Variants in UNC13C observed in about 807,000 individuals in gnomAD.
UNC13C encodes the protein unc-13 homolog C, also known as protein unc-13 homolog C.
UNC13C carries 174 observed loss-of-function variants against 245.4 expected under a neutral mutation model. The observed-to-expected ratio is 0.71, with a 90% confidence interval of 0.63 to 0.80. The LOEUF is 0.80. Ranked by LOEUF, UNC13C falls within the 30% of genes least tolerant of loss-of-function variation. UNC13C has a pLI of 0.00. For synonymous variants in UNC13C, 992 were observed against 895.1 expected, an observed-to-expected ratio of 1.11 and a Z score of -1.93; for missense variants, 2,829 against 2,602.9, an observed-to-expected ratio of 1.09 and a Z score of -1.89.
intron 13 of UNC13C, among the ~76,000 whole-genome samples, chr15:54,313,534 A>G (rs2037928875): frequency 1.3e-5 from 2 of 151,802 alleles, no homozygotes. Flanking sequence ...AGATAATTCA[A>G]CTTGTTTTTT....
At chr15:54,431,919 T>A (rs1250776085) in intron 19 of UNC13C, among the ~76,000 whole-genome samples, 1 of 151,580 alleles carries the variant, frequency 6.6e-6, no homozygotes, top group Non-Finnish European at 1.5e-5. Context: ...AAGATAAATA[T>A]TAAGGTGATA....
chr15:53,971,117 C>A, the UNC13C span, among the ~76,000 whole-genome samples: 1 of 152,096 alleles, frequency 6.6e-6, no homozygotes, highest in African/African-American at 2.4e-5. Context: ...TGATGTTGAG[C>A]ATAATTTCAT....
intron 18 of UNC13C, among the ~76,000 whole-genome samples, chr15:54,401,753 C>T (rs1567241148): frequency 6.6e-6 from 1 of 152,036 alleles, no homozygotes. Context: ...ACGCACTCTT[C>T]AGCGCTGCCT....
chr15:54,512,412 C>G, intron 24 of UNC13C: 1 of 455,638 alleles, frequency 2.2e-6, no homozygotes, highest in Non-Finnish European at 4.4e-6. Context: ...CCTTACCTGG[C>G]TGTTCCCTCC....
intron 13 of UNC13C, among the ~76,000 whole-genome samples, chr15:54,308,036 A>G (rs560650388): frequency 1.3e-5 from 2 of 152,042 alleles, no homozygotes; most frequent in South Asian, 4.1e-4. Flanking sequence ...ATTGCTTGCA[A>G]CAATCTAAGA....
At chr15:54,370,761 A>G (rs2039470142) in intron 17 of UNC13C, among the ~76,000 whole-genome samples, 1 of 152,112 alleles carries the variant, frequency 6.6e-6, no homozygotes, top group South Asian at 2.1e-4. Flanking sequence ...CATTCAAATA[A>G]TATCTGAATA....
intron 4 of UNC13C, among the ~76,000 whole-genome samples, chr15:54,164,494 AT>A (rs2033095907): frequency 6.6e-6 from 1 of 152,220 alleles, no homozygotes; most frequent in East Asian, 1.9e-4. Context: ...AAGTAAAAAA[AT>A]CTAAATAAAT....
chr15:53,931,729 A>T, the UNC13C span, among the ~76,000 whole-genome samples: 1 of 152,134 alleles, frequency 6.6e-6, no homozygotes, highest in Non-Finnish European at 1.5e-5. Context: ...CTCTTCTCTT[A>T]AAAAGGGGTG....
intron 4 of UNC13C, among the ~76,000 whole-genome samples, chr15:54,183,770 A>C (rs553174138): frequency 3.9e-5 from 6 of 152,060 alleles, no homozygotes; most frequent in African/African-American, 1.2e-4. Flanking sequence ...AAAAAAAAAA[A>C]AAAACATGGG....
chr15:53,962,408 C>T, the UNC13C span, among the ~76,000 whole-genome samples: 1 of 151,998 alleles, frequency 6.6e-6, no homozygotes, highest in Non-Finnish European at 1.5e-5. Flanking sequence ...GATATTCACT[C>T]TCATTATACG....
At chr15:54,069,057 T>C (rs1339995693) in intron 2 of UNC13C, among the ~76,000 whole-genome samples, 2 of 152,210 alleles carry the variant, frequency 1.3e-5, no homozygotes, top group African/African-American at 4.8e-5. Context: ...TTCATACAAA[T>C]ACAGATGCTT....
At chr15:54,278,843 A>C (rs1596133534) in intron 10 of UNC13C, among the ~76,000 whole-genome samples, 1 of 152,256 alleles carries the variant, frequency 6.6e-6, no homozygotes, top group South Asian at 2.1e-4. Context: ...CTTTCATCAG[A>C]ATGATTTCTA....
At chr15:54,005,844 G>A (rs533169488) in intron 1 of UNC13C, among the ~76,000 whole-genome samples, 8 of 152,080 alleles carry the variant, frequency 5.3e-5, no homozygotes, top group African/African-American at 1.9e-4. Flanking sequence ...AGAGCAGAGG[G>A]TATACAATCA....
At chr15:54,134,108 C>T (rs1295300091) in intron 2 of UNC13C, among the ~76,000 whole-genome samples, 1 of 147,886 alleles carries the variant, frequency 6.8e-6, no homozygotes, top group Non-Finnish European at 1.5e-5. Context: ...TAACACATTT[C>T]GAGAAAACAA....
intron 17 of UNC13C, among the ~76,000 whole-genome samples, chr15:54,377,879 G>T (rs2039640226): frequency 6.6e-6 from 1 of 152,052 alleles, no homozygotes; most frequent in Non-Finnish European, 1.5e-5. Context: ...TTGGCCGTGG[G>T]GATTAGACCA....
At chr15:54,508,441 TA>T (rs1332203844) in intron 23 of UNC13C, among the ~76,000 whole-genome samples, 7 of 152,104 alleles carry the variant, frequency 4.6e-5, no homozygotes, top group Non-Finnish European at 8.8e-5. Flanking sequence ...AACACTGAGA[TA>T]AAAATCATAA....
intron 4 of UNC13C, among the ~76,000 whole-genome samples, chr15:54,215,554 T>C (rs1216590161): frequency 1.3e-5 from 2 of 151,984 alleles, no homozygotes; most frequent in East Asian, 1.9e-4. Flanking sequence ...AGGAGCATTA[T>C]TGAGCTTTAA....
In UNC13C at chr15:54,300,217, TC is replaced by T; in HGVS notation, c.4114del (p.His1372IlefsTer3). ...AAAACCACTTGCTTTTAGAATCTGTTCCATTACTTGACTGAAGTGAAATCTA... is the reference window on the plus strand; with the variant it reads ...AAAACCACTTGCTTTTAGAATCTGTTCATTACTTGACTGAAGTGAAATCTA... ...IQYTCLHENL[F>X]HYLTEVKSNG... On this transcript the variant is annotated frameshift_variant, in exon 13 of 33. Transcript: ENST00000260323. LOFTEE classifies it high-confidence loss of function. 1 of 1,599,124 alleles carries T rather than the reference TC, an allele frequency of 6.3e-7. No individual in the cohort carries two copies. Among genetic ancestry groups the T allele is most frequent in the Non-Finnish European group, 8.5e-7 (1 of 1,172,092 alleles).
intron 1 of UNC13C, among the ~76,000 whole-genome samples, chr15:54,010,257 GA>G (rs1895322575): frequency 6.6e-6 from 1 of 152,170 alleles, no homozygotes; most frequent in African/African-American, 2.4e-5. Context: ...AAGTTAAATA[GA>G]ATATGGCTCC....
Sources: gnomAD v4.1 joint callset for allele counts (sites outside exome capture counted in the v4.1 genomes callset) on GRCh38, gnomAD v4.1.1 for gene constraint, MANE v1.5 for transcripts, NCBI Gene and HGNC (gene_info 2026-07-23, HGNC 2026-07-21) for gene names.